TBXAS1: variants seen among roughly 807,000 people sequenced by gnomAD.
The protein encoded by TBXAS1 is thromboxane A synthase 1.
A neutral mutation model predicts 60.7 loss-of-function variants in TBXAS1; 48 were observed. The ratio of observed to expected loss-of-function variants is 0.79; its 90% CI spans 0.63 to 1.01. The LOEUF is 1.01. Among genes scored for constraint, TBXAS1 ranks in the 50% least tolerant of loss-of-function variants. The pLI, the probability that TBXAS1 is intolerant of heterozygous loss-of-function variation, is 0.00. For synonymous variants in TBXAS1, 287 were observed against 269.7 expected, an observed-to-expected ratio of 1.06 and a Z score of -0.63; for missense variants, 685 against 686.3, an observed-to-expected ratio of 1.00 and a Z score of 0.02.
rs746731200 is a variant in TBXAS1 at position 140,020,059 on chromosome 7, G to A, written c.1562G>A (p.Gly521Asp). 1 of 1,612,216 alleles carries A rather than the reference G, an allele frequency of 6.2e-7. No homozygotes were observed. The highest frequency in any genetic ancestry group is 1.1e-5 in the South Asian group (1 of 91,034). The stretch of plus-strand genomic sequence containing the variant: ...CAGCTAGAATCCAAATCTGCCCTAG[G>A]TCCAAAAAATGGTGTCTATATCAAG... Reference protein sequence around the residue: ...PLQLESKSALGPKNGVYIKIV... With the variant: ...PLQLESKSALDPKNGVYIKIV... Residue 521 changes from glycine (G) to aspartate (D), a missense_variant, in exon 13 of 13, where the codon GGT (glycine) becomes GAT (aspartate). By Grantham distance (94) the Gly-to-Asp change is moderately conservative. Transcript: ENST00000448866.
intron 9 of TBXAS1, among the ~76,000 whole-genome samples, chr7:139,994,245 G>A (rs1042143753): frequency 6.6e-6 from 1 of 152,214 alleles, no homozygotes; most frequent in African/African-American, 2.4e-5. Context: ...GTTTCGCCAT[G>A]TTGGCCAGGC....
At chr7:139,828,627 C>A (rs967635136), upstream of TBXAS1, among the ~76,000 whole-genome samples, 6 of 152,128 alleles carry the variant, frequency 3.9e-5, no homozygotes, top group African/African-American at 1.4e-4. Flanking sequence ...CCACTATGAT[C>A]CCCTCCATCT....
intron 3 of TBXAS1, among the ~76,000 whole-genome samples, chr7:139,903,007 T>C (rs533133837): frequency 6.6e-6 from 1 of 152,216 alleles, no homozygotes; most frequent in East Asian, 1.9e-4. Context: ...GTAAGTTCTT[T>C]AGTGGTGATT....
chr7:140,005,574 G>C (rs1003913587), intron 9 of TBXAS1, among the ~76,000 whole-genome samples: 1 of 152,182 alleles, frequency 6.6e-6, no homozygotes, highest in Non-Finnish European at 1.5e-5. Flanking sequence ...GGGAAGTGTG[G>C]GGTTGGGTGA....
chr7:139,958,819 C>T (rs930242101), intron 8 of TBXAS1, among the ~76,000 whole-genome samples: 4 of 152,246 alleles, frequency 2.6e-5, no homozygotes, highest in African/African-American at 4.8e-5. Flanking sequence ...CTCGCATGTC[C>T]TTGGAGGTGC....
intron 1 of TBXAS1, among the ~76,000 whole-genome samples, chr7:139,844,983 G>GC (rs1176425864): frequency 1.3e-5 from 2 of 151,948 alleles, no homozygotes; most frequent in African/African-American, 4.8e-5. Context: ...TTTTCCCCCA[G>GC]CCCCCCAGGC....
chr7:139,804,106 G>A (rs1797784906), intron 4 of TBXAS1, among the ~76,000 whole-genome samples: 1 of 152,136 alleles, frequency 6.6e-6, no homozygotes, highest in African/African-American at 2.4e-5. Flanking sequence ...CACTCAACTG[G>A]GAAAGCAGCC....
Position 139,991,085 on chromosome 7 carries a change from C to G in TBXAS1, c.1135-16006C>G, listed in dbSNP as rs186399265. On this transcript the variant is annotated intron_variant, in intron 9 of 12. Transcript: ENST00000448866. ...ATGGGCTGAAACGTGGCTGGAACGA[C>G]GCAGAAGCAGAAACCACAGAGAGCG... 2.0e-5 allele frequency among the ~76,000 whole-genome samples: 3 copies of G among 152,186 alleles called. 1 individual carries two copies. The South Asian group carries it at 6.2e-4, about 31-fold the overall frequency.
chr7:139,816,331 G>C (rs1194834250), intron 4 of TBXAS1, among the ~76,000 whole-genome samples: 1 of 152,226 alleles, frequency 6.6e-6, no homozygotes, highest in Non-Finnish European at 1.5e-5. Flanking sequence ...CTGGGGGACA[G>C]AGGAGCGTGC....
intron 4 of TBXAS1, among the ~76,000 whole-genome samples, chr7:139,912,459 G>A (rs1805604550): frequency 6.6e-6 from 1 of 152,166 alleles, no homozygotes; most frequent in Non-Finnish European, 1.5e-5. Context: ...GTTCCAATTA[G>A]ACCTCACTTT....
intron 4 of TBXAS1, among the ~76,000 whole-genome samples, chr7:139,934,341 A>G (rs143313726): frequency 0.013 from 2,028 of 152,036 alleles, 52 homozygotes; most frequent in African/African-American, 0.047. Context: ...GGTGCCTGCC[A>G]CCACGCCTGG....
intron 11 of TBXAS1, chr7:140,016,335 AT>A: frequency 4.5e-6 from 1 of 222,146 alleles, no homozygotes; most frequent in South Asian, 6.4e-5. Context: ...CTAAAAAAAA[AT>A]AAATAAATTA....
Position 139,864,549 on chromosome 7 carries a change from G to A in TBXAS1, c.90-7686G>A, listed in dbSNP as rs572743154. Among the ~76,000 whole-genome samples, 4 of 151,614 alleles carry A rather than the reference G, an allele frequency of 2.6e-5. No homozygotes were observed. The East Asian group carries it at 7.7e-4, about 29-fold the overall frequency. Reference sequence around the variant, plus strand: ...AGTAAGTTATAAAAATGTATTATATGGTAAAAGGAATTTGAGTAAGAAAAA... The same window carrying A: ...AGTAAGTTATAAAAATGTATTATATAGTAAAAGGAATTTGAGTAAGAAAAA... On this transcript the variant is annotated intron_variant, in intron 1 of 12. Transcript: ENST00000448866.
At chr7:140,011,963 G>C (rs1049921419) in intron 10 of TBXAS1, among the ~76,000 whole-genome samples, 3 of 152,154 alleles carry the variant, frequency 2.0e-5, no homozygotes, top group African/African-American at 7.2e-5. Context: ...TTTGATGGAC[G>C]GTTTGAGCCT....
intron 4 of TBXAS1, among the ~76,000 whole-genome samples, chr7:139,926,576 C>T (rs909801718): frequency 6.6e-6 from 1 of 151,792 alleles, no homozygotes; most frequent in Non-Finnish European, 1.5e-5. Flanking sequence ...TTTCAAAAAA[C>T]CAACTTTTTA....
At position 140,016,066 on chromosome 7, in the gene TBXAS1, T is replaced by C. The variant is rs7781021; in HGVS notation, c.1364+206T>C. Among the ~76,000 whole-genome samples the C allele has an allele frequency of 0.28, 42,443 of 152,054 alleles. 6,692 individuals carry two copies. The highest frequency in any genetic ancestry group is 0.62 in the East Asian group (3,197 of 5,160). On this transcript the variant is annotated intron_variant, in intron 11 of 12. Coordinates refer to ENST00000448866, the MANE Select transcript of TBXAS1 (RefSeq NM_001061.7). Reference sequence around the variant, plus strand: ...TTTTTTAGCCACGCGTGGTGGCTCATGCCTGTAATCCCAGCACTTTGGGAG... The same window carrying C: ...TTTTTTAGCCACGCGTGGTGGCTCACGCCTGTAATCCCAGCACTTTGGGAG...
At chr7:139,836,675 T>C (rs1381747809) in intron 1 of TBXAS1, among the ~76,000 whole-genome samples, 1 of 152,212 alleles carries the variant, frequency 6.6e-6, no homozygotes, top group African/African-American at 2.4e-5. Flanking sequence ...CAAGATGAGT[T>C]AAAGACTTAA....
rs71170921 is a variant in TBXAS1, at chr7:139,898,413, C to CTTT, written c.237-12782_237-12780dup. Among the ~76,000 whole-genome samples, 644 of 82,254 alleles carry CTTT rather than the reference C, an allele frequency of 7.8e-3. 54 individuals are homozygous for CTTT. The highest frequency in any genetic ancestry group is 0.016 in the African/African-American group (326 of 20,488). 54.0% of individuals were successfully genotyped at this position (82,254 alleles called of 152,430 possible). ...ATCAGAAGTTTCCCAACGTGCATGG[C>CTTT]TTTTTTTTTTTTTTTTTTTTTTTTT... is the stretch of plus-strand genomic sequence containing the variant. On this transcript the variant is annotated intron_variant, in intron 3 of 12. Coordinates refer to ENST00000448866, the MANE Select transcript of TBXAS1 (RefSeq NM_001061.7).
chr7:139,853,268 A>G (rs1391323506), intron 1 of TBXAS1, among the ~76,000 whole-genome samples: 1 of 142,128 alleles, frequency 7.0e-6, no homozygotes, highest in Admixed American at 6.9e-5. Context: ...AGACTTGAAC[A>G]AACAGGGGCT....
Sources: gnomAD v4.1 joint callset for allele counts (sites outside exome capture counted in the v4.1 genomes callset) on GRCh38, gnomAD v4.1.1 for gene constraint, MANE v1.5 for transcripts, NCBI Gene and HGNC (gene_info 2026-07-23, HGNC 2026-07-21) for gene names.